NIBAN1: variants seen among roughly 807,000 people sequenced by gnomAD.
The protein encoded by NIBAN1 is protein Niban 1.
NIBAN1 carries 81 observed loss-of-function variants against 75.1 expected under a neutral mutation model. The ratio of observed to expected loss-of-function variants is 1.08; its 90% confidence interval spans 0.90 to 1.30. The LOEUF is 1.30. Among genes scored for constraint, NIBAN1 ranks in the 50% most tolerant of loss-of-function variants. NIBAN1 has a pLI of 0.00. For missense variants in NIBAN1, 1,133 were observed against 1,128.1 expected (o/e 1.00, Z -0.06); for synonymous variants, 436 against 424.8 (o/e 1.03, Z -0.32).
Position 184,791,148 on chromosome 1 carries a change from G to A in NIBAN1, c.*3829C>T, listed in dbSNP as rs558725971. On this transcript the variant is annotated 3_prime_UTR_variant, in exon 14 of 14. Coordinates refer to ENST00000367511, the MANE Select transcript of NIBAN1 (RefSeq NM_052966.4). Reference sequence around the variant, plus strand: ...ACCGGGAAAGTCAATCCACAGTGTCGATTTTTTTTCTTGAAGTTGCAGACT... The same window carrying A: ...ACCGGGAAAGTCAATCCACAGTGTCAATTTTTTTTCTTGAAGTTGCAGACT... The A allele has an allele frequency of 1.3e-4, 56 of 426,840 alleles. No individual in the cohort carries two copies. The highest frequency in any genetic ancestry group is 7.9e-4 in the African/African-American group (38 of 48,366). 26.4% of individuals were successfully genotyped at this position (426,840 alleles called of 1,614,324 possible). A position where few individuals can be genotyped will look rare whatever the true frequency, so the allele number is the denominator to read the frequency against.
Position 184,962,189 on chromosome 1 carries a change from A to C in NIBAN1, c.55+12113T>G, listed in dbSNP as rs74989188. Among the ~76,000 whole-genome samples the C allele has an allele frequency of 1.8e-3, 271 of 152,384 alleles. 1 individual carries two copies. Among genetic ancestry groups the C allele is most frequent in the Non-Finnish European group, 2.7e-3 (184 of 68,036 alleles). ...ATGGTTTAATGTAGTAAAATCATAA[A>C]ATAAACGTGGGGAAGAATTGGATTA... On this transcript the variant is annotated intron_variant, in intron 1 of 13. Transcript: ENST00000367511.
chr1:184,879,063 A>G lies in NIBAN1; in HGVS notation c.601+5570T>C, dbSNP rs145506482. ...AAGAGCACAGGCTAAACTCCAGAAG[A>G]GAATGTAGCTCAAGCAGAGAGAACA... On this transcript the variant is annotated intron_variant, in intron 5 of 13. Coordinates refer to ENST00000367511, the MANE Select transcript of NIBAN1 (RefSeq NM_052966.4). Among the ~76,000 whole-genome samples the G allele has an allele frequency of 5.7e-3, 866 of 152,322 alleles. 8 individuals are homozygous for G. The highest frequency in any genetic ancestry group is 0.02 in the African/African-American group (821 of 41,570).
chr1:184,864,988 C>CAAAAAAAAAAAAAAAAAAAAAGAA, intron 5 of NIBAN1, among the ~76,000 whole-genome samples: 1 of 61,248 alleles, frequency 1.6e-5, no homozygotes, highest in Non-Finnish European at 3.8e-5. Flanking sequence ...CTAAAGAGGT[C>CAAAAAAAAAAAAAAAAAAAAAGAA]AAAAAAAAAA....
chr1:184,924,370 A>T (rs1457057454), intron 1 of NIBAN1, among the ~76,000 whole-genome samples: 1 of 152,234 alleles, frequency 6.6e-6, no homozygotes, highest in Non-Finnish European at 1.5e-5. Flanking sequence ...ATATGGAATC[A>T]TCCTTGCATC....
chr1:184,935,725 A>G (rs1657938991), intron 1 of NIBAN1, among the ~76,000 whole-genome samples: 1 of 152,126 alleles, frequency 6.6e-6, no homozygotes, highest in Non-Finnish European at 1.5e-5. Context: ...CCTGGGAAAA[A>G]GAAAGCCTAG....
intron 1 of NIBAN1, among the ~76,000 whole-genome samples, chr1:184,954,011 A>C (rs1331888506): frequency 6.6e-6 from 1 of 152,250 alleles, no homozygotes; most frequent in Non-Finnish European, 1.5e-5. Flanking sequence ...CATTACTCAA[A>C]ATTCCTAAGG....
At position 184,970,002 on chromosome 1, in the gene NIBAN1, CA is replaced by C. The variant is rs201955527; in HGVS notation, c.55+4299del. 4.3e-3 allele frequency among the ~76,000 whole-genome samples: 647 copies of C among 151,442 alleles called. 14 individuals carry two copies. In the East Asian group the frequency reaches 0.057, roughly 13 times the overall value. ...GAAACATGGCGAAACCCCGTCTCTA[CA>C]AAAAAATACAAAAAAACTACCTGGG... On this transcript the variant is annotated intron_variant, in intron 1 of 13. Transcript: ENST00000367511.
chr1:184,944,070 G>A (rs769983772), intron 1 of NIBAN1, among the ~76,000 whole-genome samples: 41 of 152,162 alleles, frequency 2.7e-4, no homozygotes, highest in Non-Finnish European at 4.3e-4. Context: ...CTGTCTTTGT[G>A]TACATGGAGC....
chr1:184,938,087 G>A (rs1285464409), intron 1 of NIBAN1, among the ~76,000 whole-genome samples: 2 of 152,204 alleles, frequency 1.3e-5, no homozygotes, highest in African/African-American at 4.8e-5. Context: ...CTCTGGTCAT[G>A]GAGATTAACA....
In NIBAN1 at chr1:184,828,809, A is replaced by AT. The variant is rs11361571; in HGVS notation, c.717+3037dup. Among the ~76,000 whole-genome samples, 210 of 146,678 alleles carry AT rather than the reference A, an allele frequency of 1.4e-3. 1 individual carries two copies. In the South Asian group the frequency reaches 0.019, roughly 13 times the overall value. ...CTTAAATTCTGAGAGAAGCAAAACCATTTTTTTTTTTTTTGAGACAGGGTC... is the reference window on the plus strand; with the variant it reads ...CTTAAATTCTGAGAGAAGCAAAACCATTTTTTTTTTTTTTTGAGACAGGGTC... On this transcript the variant is annotated intron_variant, in intron 6 of 13. Transcript: ENST00000367511.
rs546291398 is a variant in NIBAN1 at position 184,843,692 on chromosome 1, G to A, written c.602-11730C>T. ...GAAGATTTGTATTCTAAGACAGTGA[G>A]TGCAAAACTATCTCCCAATCCCTTG... is the stretch of plus-strand genomic sequence containing the variant. On this transcript the variant is annotated intron_variant, in intron 5 of 13. Transcript: ENST00000367511. 6.6e-5 allele frequency among the ~76,000 whole-genome samples: 10 copies of A among 152,284 alleles called. No homozygotes were observed. In the East Asian group the frequency reaches 1.7e-3, roughly 26 times the overall value.
rs1006683178 is a variant in NIBAN1, at chr1:184,792,910, C to G, written c.*2067G>C. On this transcript the variant is annotated 3_prime_UTR_variant, in exon 14 of 14. Transcript: ENST00000367511. ...CCACTTGGAGAGACAAGAAGTAAAC[C>G]TAATTTCAACACACCATGCTAAATG... 1.3e-5 allele frequency: 2 copies of G among 152,192 alleles called. No homozygotes were observed. Among genetic ancestry groups the G allele is most frequent in the Non-Finnish European group, 2.9e-5 (2 of 68,040 alleles). The allele number at this position is 152,192 out of a possible 1,614,324, so 9.4% of individuals were successfully genotyped here. A position where few individuals can be genotyped will look rare whatever the true frequency, so the allele number is the denominator to read the frequency against.
chr1:184,881,700 T>C (rs756585568), intron 5 of NIBAN1, among the ~76,000 whole-genome samples: 2 of 152,208 alleles, frequency 1.3e-5, no homozygotes, highest in Admixed American at 6.5e-5. Flanking sequence ...GGGTGGATTA[T>C]TTACGCCTCC....
chr1:184,914,623 G>A (rs1042067163), intron 1 of NIBAN1, among the ~76,000 whole-genome samples: 2 of 152,038 alleles, frequency 1.3e-5, no homozygotes, highest in African/African-American at 4.8e-5. Context: ...ATGATGCTAT[G>A]GGATACATAT....
chr1:184,877,645 TA>T (rs1414660292), intron 5 of NIBAN1, among the ~76,000 whole-genome samples: 1 of 152,188 alleles, frequency 6.6e-6, no homozygotes. Context: ...TATTTATATT[TA>T]AAAGAAATCC....
intron 2 of NIBAN1, among the ~76,000 whole-genome samples, chr1:184,896,301 A>T (rs903668607): frequency 6.6e-6 from 1 of 151,996 alleles, no homozygotes; most frequent in African/African-American, 2.4e-5. Context: ...CATTTCTCTG[A>T]TGATTGGTGA....
rs536494431 is a variant in NIBAN1 at position 184,796,170 on chromosome 1, T to C, written c.1667-73A>G. Reference sequence around the variant, plus strand: ...AGCCAAAGTCCCCTTTCAGCCTCTCTGGCTATCCAAATTTCTCCATTTCAA... The same window carrying C: ...AGCCAAAGTCCCCTTTCAGCCTCTCCGGCTATCCAAATTTCTCCATTTCAA... On this transcript the variant is annotated intron_variant, in intron 13 of 13. Coordinates refer to ENST00000367511, the MANE Select transcript of NIBAN1 (RefSeq NM_052966.4). 4 of 1,445,108 alleles carry C rather than the reference T, an allele frequency of 2.8e-6. No individual in the cohort carries two copies. In the South Asian group the frequency reaches 5.9e-5, roughly 21 times the overall value. The allele number at this position is 1,445,108 out of a possible 1,614,324, so 89.5% of individuals were successfully genotyped here.
intron 1 of NIBAN1, among the ~76,000 whole-genome samples, chr1:184,906,300 C>T (rs532896056): frequency 8.0e-4 from 121 of 151,986 alleles, no homozygotes; most frequent in African/African-American, 2.9e-3. Context: ...CACACACACA[C>T]ACACATTTGA....
At chr1:184,831,286 C>A (rs585186) in intron 6 of NIBAN1, among the ~76,000 whole-genome samples, 5,862 of 152,228 alleles carry the variant, frequency 0.039, 198 homozygotes, top group East Asian at 0.11. Context: ...CTGTCTAATG[C>A]TTTTTGAATT....
Sources: gnomAD v4.1 joint callset for allele counts (sites outside exome capture counted in the v4.1 genomes callset) on GRCh38, gnomAD v4.1.1 for gene constraint, MANE v1.5 for transcripts, NCBI Gene and HGNC (gene_info 2026-07-23, HGNC 2026-07-21) for gene names.